PARP1: variants seen among roughly 807,000 people sequenced by gnomAD.
PARP1 encodes poly(ADP-ribose) polymerase 1.
In PARP1, 44 loss-of-function variants were observed where a neutral mutation model predicts 118.7. That is an observed-to-expected ratio of 0.37 (90% CI 0.29 to 0.48). PARP1 has a LOEUF of 0.48. Ranked by LOEUF, PARP1 falls within the 20% of genes least tolerant of loss-of-function variation. The pLI is 0.99. For synonymous variants in PARP1, 492 were observed against 483.2 expected (o/e 1.02, Z -0.24); for missense variants, 1,100 against 1,272.4 (o/e 0.86, Z 2.06).
At position 226,379,156 on chromosome 1, in the gene PARP1, G is replaced by A. The variant is rs753320007; in HGVS notation, c.1731C>T (p.Asp577=). Residue 577 remains aspartate, a synonymous_variant, in exon 12 of 23, where the codon GAC becomes GAT. Transcript: ENST00000366794. ...NSYYKLQLLE[D]DKENRYWIFR... is the part of the protein sequence containing the mutation. ...GCAGAACTCACCTGTTTTCCTTGTC[G>A]TCCTCCAGAAGCTGCAGCTTGTAGT... 77 of 1,614,138 alleles carry A rather than the reference G, an allele frequency of 4.8e-5. No individual in the cohort carries two copies. In the East Asian group the frequency reaches 1.3e-3, roughly 27 times the overall value.
At chr1:226,361,860 A>G in intron 22 of PARP1, 109 bp downstream of exon 22, 1 of 749,408 alleles carries the variant, frequency 1.3e-6, no homozygotes, top group Non-Finnish European at 2.4e-6. Flanking sequence ...GACACACTAC[A>G]GGACAGCCTC....
At chr1:226,404,679 G>C (rs534946796) in intron 1 of PARP1, among the ~76,000 whole-genome samples, 1 of 152,382 alleles carries the variant, frequency 6.6e-6, no homozygotes, top group East Asian at 1.9e-4. Flanking sequence ...TCAGGACTGA[G>C]AATGATGTGG....
intron 13 of PARP1, 126 bp downstream of exon 13, chr1:226,376,982 A>G: frequency 2.3e-6 from 2 of 886,660 alleles, no homozygotes; most frequent in Non-Finnish European, 3.8e-6. Context: ...AAGGACTATT[A>G]TTCTCCTTTC....
At chr1:226,364,780 A>T (rs1260380955) in intron 19 of PARP1, among the ~76,000 whole-genome samples, 6 of 152,218 alleles carry the variant, frequency 3.9e-5, no homozygotes, top group Non-Finnish European at 7.3e-5. Flanking sequence ...CCCGATTAGC[A>T]TCTGCAGCAG....
chr1:226,363,703 A>T (rs1400839915), intron 20 of PARP1, among the ~76,000 whole-genome samples: 2 of 152,232 alleles, frequency 1.3e-5, no homozygotes, highest in East Asian at 3.8e-4. Context: ...GAGAGAAGAC[A>T]CTGCCAGCTC....
At chr1:226,399,934 C>T (rs550785826) in intron 2 of PARP1, among the ~76,000 whole-genome samples, 26 of 150,934 alleles carry the variant, frequency 1.7e-4, no homozygotes, top group East Asian at 5.9e-4. Context: ...ACCTGGGAGG[C>T]GGAGCTTACG....
At chr1:226,373,839 C>G (rs1304673630) in intron 14 of PARP1, among the ~76,000 whole-genome samples, 1 of 152,168 alleles carries the variant, frequency 6.6e-6, no homozygotes. Context: ...AAGGGTGGGC[C>G]GGGCACGATG....
chr1:226,364,910 C>T, intron 19 of PARP1, 92 bp downstream of exon 19: 1 of 1,416,274 alleles, frequency 7.1e-7, no homozygotes, highest in Non-Finnish European at 9.9e-7. Flanking sequence ...GGCAGAATCC[C>T]CCTAAACCAA....
chr1:226,383,607 T>G (rs1465568309), intron 7 of PARP1, among the ~76,000 whole-genome samples: 1 of 152,206 alleles, frequency 6.6e-6, no homozygotes, highest in African/African-American at 2.4e-5. Context: ...CCCCGAATAC[T>G]ATATACACAC....
At chr1:226,379,058 T>C (rs1361711495) in intron 12 of PARP1, 84 bp downstream of exon 12, 37 of 1,555,312 alleles carry the variant, frequency 2.4e-5, no homozygotes, top group Non-Finnish European at 3.0e-5. Flanking sequence ...GCCTAACGGG[T>C]TTCACAAGGC....
At chr1:226,373,902 G>A (rs3219107) in intron 14 of PARP1, among the ~76,000 whole-genome samples, 263 of 152,236 alleles carry the variant, frequency 1.7e-3, no homozygotes, top group Admixed American at 3.1e-3. Flanking sequence ...TGGATCACTT[G>A]AGCTCAGCAG....
intron 1 of PARP1, among the ~76,000 whole-genome samples, chr1:226,405,360 G>GT (rs1253589788): frequency 6.6e-6 from 1 of 151,990 alleles, no homozygotes; most frequent in Non-Finnish European, 1.5e-5. Context: ...CTGGAGTGCA[G>GT]TGGCACTATC....
At chr1:226,386,246 C>A in intron 6 of PARP1, 80 bp downstream of exon 6, 1 of 859,666 alleles carries the variant, frequency 1.2e-6, no homozygotes, top group Non-Finnish European at 2.0e-6. Flanking sequence ...GAGGGCCTCC[C>A]ACACTCCATT....
chr1:226,375,025 T>C (rs1394197226), intron 13 of PARP1, among the ~76,000 whole-genome samples: 4 of 152,352 alleles, frequency 2.6e-5, no homozygotes, highest in Non-Finnish European at 4.4e-5. Context: ...AGACTTGAAC[T>C]GTATGAGGGT....
chr1:226,375,721 G>A (rs1664473969), intron 13 of PARP1, among the ~76,000 whole-genome samples: 1 of 152,152 alleles, frequency 6.6e-6, no homozygotes, highest in South Asian at 2.1e-4. Context: ...AATTTCATTG[G>A]CTTCTTGCTT....
intron 5 of PARP1, among the ~76,000 whole-genome samples, chr1:226,387,009 GTCT>G (rs1664728997): frequency 1.3e-5 from 2 of 152,148 alleles, no homozygotes; most frequent in Non-Finnish European, 2.9e-5. Context: ...TTGAGATGGA[GTCT>G]CACTCTGTTG....
At chr1:226,400,286 G>C (rs1665007415) in intron 2 of PARP1, among the ~76,000 whole-genome samples, 1 of 152,072 alleles carries the variant, frequency 6.6e-6, no homozygotes, top group African/African-American at 2.4e-5. Flanking sequence ...GCAACAGAGT[G>C]AGACTCCATC....
At chr1:226,381,239 G>A in intron 8 of PARP1, 31 bp from the exon 9 acceptor site, 1 of 1,614,066 alleles carries the variant, frequency 6.2e-7, no homozygotes, top group African/African-American at 1.3e-5. Flanking sequence ...CATTCAGCAA[G>A]GCCAGCTCTG....
chr1:226,380,110 C>G lies in PARP1; in HGVS notation c.1355G>C (p.Arg452Pro), dbSNP rs552397377. The G allele has an allele frequency of 6.2e-7, 1 of 1,614,168 alleles. No homozygotes were observed. Among genetic ancestry groups the G allele is most frequent in the Non-Finnish European group, 8.5e-7 (1 of 1,179,990 alleles). ...CTGGAGGAAGTCCTCAGACACAACTCGGATGTTGGCTTCCTTTACTTCCTC... is the reference window on the plus strand; with the variant it reads ...CTGGAGGAAGTCCTCAGACACAACTGGGATGTTGGCTTCCTTTACTTCCTC... Reference protein sequence around the residue: ...KMEEVKEANIRVVSEDFLQDV... With the variant: ...KMEEVKEANIPVVSEDFLQDV... The change falls in exon 10 of 23, where the codon CGA becomes CCA. Residue 452 changes from arginine (R) to proline (P), a missense_variant. Arg to Pro is a moderately radical substitution (Grantham distance 103). Coordinates refer to ENST00000366794, the MANE Select transcript of PARP1 (RefSeq NM_001618.4).
Sources: allele counts gnomAD v4.1 joint callset (sites outside exome capture counted in the v4.1 genomes callset), GRCh38; gene constraint gnomAD v4.1.1; transcripts MANE v1.5; gene names NCBI Gene and HGNC (gene_info 2026-07-23, HGNC 2026-07-21).